AKNA: variants seen among roughly 807,000 people sequenced by gnomAD.
AKNA encodes the protein microtubule organization protein AKNA.
In AKNA, 67 loss-of-function variants were observed where a neutral mutation model predicts 138.8. The ratio of observed to expected loss-of-function variants is 0.48; its 90% CI spans 0.40 to 0.59. AKNA has a LOEUF of 0.59. Among genes scored for constraint, AKNA ranks in the 20% least tolerant of loss-of-function variants. The probability of loss-of-function intolerance (pLI) is 0.00; values close to 1 mark genes in which losing one functional copy is unlikely to be tolerated. For synonymous variants in AKNA, 737 were observed against 754.4 expected, an observed-to-expected ratio of 0.98 and a Z score of 0.38; for missense variants, 1,813 against 1,880.4, an observed-to-expected ratio of 0.96 and a Z score of 0.66.
chr9:114,339,563 C>A (rs1830204345), intron 21 of AKNA, among the ~76,000 whole-genome samples: 11 of 152,214 alleles, frequency 7.2e-5, no homozygotes, highest in Admixed American at 7.2e-4. Context: ...GTGAGTTCTG[C>A]CCACAGGCCT....
At chr9:114,362,372 T>G (rs750385483) in intron 8 of AKNA, 34 bp downstream of exon 8, 1 of 1,595,220 alleles carries the variant, frequency 6.3e-7, no homozygotes, top group Non-Finnish European at 8.5e-7. Context: ...GCCCATCCCA[T>G]CTGTCCTTCC....
upstream of AKNA, among the ~76,000 whole-genome samples, chr9:114,392,296 C>T (rs1209197735): frequency 6.6e-6 from 1 of 152,344 alleles, no homozygotes; most frequent in East Asian, 1.9e-4. Context: ...GAGATTGTCT[C>T]TGAGGTTATC....
intron 1 of AKNA, among the ~76,000 whole-genome samples, chr9:114,385,077 C>T (rs1161748047): frequency 6.6e-6 from 1 of 152,162 alleles, no homozygotes; most frequent in Non-Finnish European, 1.5e-5. Context: ...TGGTTTTGAA[C>T]TCCTTGTTTC....
chr9:114,360,587 C>A (rs942110932), intron 9 of AKNA, among the ~76,000 whole-genome samples: 1 of 152,148 alleles, frequency 6.6e-6, no homozygotes, highest in African/African-American at 2.4e-5. Flanking sequence ...TTCCTACCCT[C>A]TAGGCCAGAG....
intron 1 of AKNA, among the ~76,000 whole-genome samples, chr9:114,385,976 C>T (rs1381528449): frequency 6.6e-6 from 1 of 151,810 alleles, no homozygotes; most frequent in Non-Finnish European, 1.5e-5. Context: ...GTACCACCTG[C>T]TCTTGATATC....
intron 9 of AKNA, among the ~76,000 whole-genome samples, chr9:114,360,957 G>A (rs1043353539): frequency 3.9e-5 from 6 of 152,082 alleles, no homozygotes; most frequent in African/African-American, 7.2e-5. Flanking sequence ...GGAGCCATCC[G>A]TGTCTCCCTT....
At chr9:114,338,809 G>GT (rs1830155888) in intron 21 of AKNA, among the ~76,000 whole-genome samples, 1 of 152,226 alleles carries the variant, frequency 6.6e-6, no homozygotes, top group Non-Finnish European at 1.5e-5. Flanking sequence ...CCTGGCTCCG[G>GT]TAAGTGCTCC....
upstream of AKNA, among the ~76,000 whole-genome samples, chr9:114,391,859 A>AG (rs1834355201): frequency 1.3e-5 from 2 of 149,022 alleles, no homozygotes; most frequent in African/African-American, 4.9e-5. Context: ...GTCTCAAAAA[A>AG]AAAAAAAAAA....
intron 18 of AKNA, 75 bp from the exon 19 acceptor site, chr9:114,343,878 G>T: frequency 7.7e-7 from 1 of 1,302,388 alleles, no homozygotes; most frequent in South Asian, 1.4e-5. Flanking sequence ...CTGGAATAAT[G>T]ATCTCCTCTT....
intron 21 of AKNA, among the ~76,000 whole-genome samples, chr9:114,338,634 C>T (rs1830143134): frequency 2.0e-5 from 3 of 152,198 alleles, no homozygotes; most frequent in Admixed American, 6.5e-5. Flanking sequence ...GCAGCTCAGG[C>T]CCTGGAGCCC....
At chr9:114,365,115 G>A (rs1400753307) in intron 6 of AKNA, among the ~76,000 whole-genome samples, 2 of 152,130 alleles carry the variant, frequency 1.3e-5, no homozygotes, top group African/African-American at 4.8e-5. Context: ...TAAATACATT[G>A]CTTATATACG....
Position 114,341,615 on chromosome 9 carries a change from C to G in AKNA, c.3985G>C (p.Ala1329Pro). 6.2e-7 allele frequency: 1 copy of G among 1,613,774 alleles called. No individual in the cohort carries two copies. The highest frequency in any genetic ancestry group is 8.5e-7 in the Non-Finnish European group (1 of 1,179,894). ...GGGGCTGGTGCTGGGGGCGCTGTTG[C>G]CAGATACCACAGTCCGGGGGGTGGG... ...PRPPPGLWYL[A>P]TAPPAPAPPA... The change falls in exon 21 of 22, where the codon GCA becomes CCA. Residue 1329 changes from alanine to proline, a missense_variant. By Grantham distance (27) the Ala-to-Pro change is conservative (BLOSUM62 -1). Coordinates refer to ENST00000374088, the MANE Select transcript of AKNA (RefSeq NM_001317950.2).
At chr9:114,362,579 G>T in intron 7 of AKNA, 46 bp from the exon 8 acceptor site, 1 of 1,592,692 alleles carries the variant, frequency 6.3e-7, no homozygotes, top group South Asian at 1.1e-5. Context: ...CAGTCCCCGC[G>T]GGGCCTGTCC....
In AKNA at chr9:114,376,786, G is replaced by A. The variant is rs747775994; in HGVS notation, c.1021C>T (p.Arg341Cys). 15 of 1,612,128 alleles carry A rather than the reference G, an allele frequency of 9.3e-6. No individual in the cohort carries two copies. Among genetic ancestry groups the A allele is most frequent in the East Asian group, 2.2e-5 (1 of 44,850 alleles). The change falls in exon 3 of 22, where the codon CGC becomes TGC. Residue 341 changes from arginine (R) to cysteine (C), a missense_variant. Transcript: ENST00000374088. ...TACTTGGGGGCATTAGAAGAGGAGC[G>A]GCCAGCCAGAGTGGCTCCCTGTCTG... is the stretch of plus-strand genomic sequence containing the variant. ...LPRQGATLAGRSSSNAPKYGR... is the reference protein window; with the variant it reads ...LPRQGATLAGCSSSNAPKYGR...
chr9:114,368,683 C>CA, intron 4 of AKNA, 88 bp from the exon 5 acceptor site: 1 of 1,129,068 alleles, frequency 8.9e-7, no homozygotes, highest in South Asian at 3.9e-5. Flanking sequence ...GAGCTCAACA[C>CA]ACATGCCCTG....
Position 114,359,946 on chromosome 9 carries a change from G to C in AKNA, c.2241C>G (p.Leu747=), listed in dbSNP as rs1348645494. Residue 747 remains leucine (L), a synonymous_variant, in exon 10 of 22, where the codon CTC becomes CTG. Transcript: ENST00000374088. ...EDRPQDPLAR[L]RHKELQMEQV... ...GCTCCATCTGCAGCTCCTTGTGCCT[G>C]AGTCGGGCCAGGGGGTCCTGTGGCC... 2 of 1,614,094 alleles carry C rather than the reference G, an allele frequency of 1.2e-6. No homozygotes were observed. The highest frequency in any genetic ancestry group is 1.7e-6 in the Non-Finnish European group (2 of 1,180,038).
intron 16 of AKNA, 35 bp from the exon 17 acceptor site, chr9:114,346,819 G>A (rs372118380): frequency 2.5e-6 from 4 of 1,576,958 alleles, no homozygotes; most frequent in Non-Finnish European, 2.6e-6. Context: ...GTCATTGGAT[G>A]AGGTTTTGTG....
intron 2 of AKNA, among the ~76,000 whole-genome samples, chr9:114,380,391 G>A (rs570549546): frequency 2.6e-5 from 4 of 152,254 alleles, no homozygotes; most frequent in East Asian, 1.9e-4. Context: ...GATGAACTAC[G>A]AAAATGTTCA....
At chr9:114,367,461 T>G (rs904282087) in intron 6 of AKNA, 82 bp downstream of exon 6, 17 of 1,493,742 alleles carry the variant, frequency 1.1e-5, no homozygotes, top group Non-Finnish European at 1.5e-5. Context: ...ACTCCCAGAG[T>G]GCCTCTCACC....
Sources: gnomAD v4.1 joint callset for allele counts (sites outside exome capture counted in the v4.1 genomes callset) on GRCh38, gnomAD v4.1.1 for gene constraint, MANE v1.5 for transcripts, NCBI Gene and HGNC (gene_info 2026-07-23, HGNC 2026-07-21) for gene names.